The following MIDEAS variants were observed in gnomAD, a reference collection of about 807,000 sequenced individuals.
The protein encoded by MIDEAS is mitotic deacetylase associated SANT domain protein.
Under a neutral mutation model 102.7 loss-of-function variants are expected in MIDEAS, and 26 were observed. That is an observed-to-expected ratio of 0.25 (90% CI 0.19 to 0.35). The LOEUF (loss-of-function observed/expected upper bound fraction) is 0.35, where lower values mean the gene tolerates loss of function less well. Among genes scored for constraint, MIDEAS ranks in the 10% least tolerant of loss-of-function variants. The pLI is 1.00. For missense variants in MIDEAS, 1,231 were observed against 1,435.6 expected (o/e 0.86, Z 2.30); for synonymous variants, 585 against 591.0 (o/e 0.99, Z 0.15).
At chr14:73,751,336 T>C (rs1472168648) in intron 1 of MIDEAS, among the ~76,000 whole-genome samples, 1 of 152,236 alleles carries the variant, frequency 6.6e-6, no homozygotes, top group Non-Finnish European at 1.5e-5. Flanking sequence ...CTGCCTGGGA[T>C]AGACAGCAGC....
In MIDEAS at chr14:73,739,653, C is replaced by T. The variant is rs752678140; in HGVS notation, c.356G>A (p.Ser119Asn). 2.5e-6 allele frequency: 4 copies of T among 1,613,842 alleles called. No individual in the cohort carries two copies. The highest frequency in any genetic ancestry group is 3.4e-6 in the Non-Finnish European group (4 of 1,179,906). Residue 119 changes from serine to asparagine, a missense_variant, in exon 2 of 13, where the codon AGC becomes AAC. Transcript: ENST00000423556. ...CTGGCCTGGCTGCTGCTGCCAGCTG[C>T]TGTCACTGACACCCCCACCTCCTCC... Reference protein sequence around the residue: ...ERGGGGGVSDSSWQQQPGQPP... With the variant: ...ERGGGGGVSDNSWQQQPGQPP...
At position 73,768,029 on chromosome 14, in the gene MIDEAS, G is replaced by A. The variant is rs150395718; in HGVS notation, c.-248+19073C>T. Among the ~76,000 whole-genome samples the A allele has an allele frequency of 1.1e-4, 17 of 151,726 alleles. No homozygotes were observed. In the East Asian group the frequency reaches 3.3e-3, roughly 30 times the overall value. On this transcript the variant is annotated intron_variant, in intron 1 of 11. Coordinates refer to the MIDEAS transcript ENST00000394071. Reference sequence around the variant, plus strand: ...ACAAAAATTAGCCGGGCATGGTGGTGTGTGCCTGTAGTCCCAGCTACTTGG... The same window carrying A: ...ACAAAAATTAGCCGGGCATGGTGGTATGTGCCTGTAGTCCCAGCTACTTGG...
chr14:73,731,799 A>G (rs544772732), intron 3 of MIDEAS, among the ~76,000 whole-genome samples: 2 of 152,342 alleles, frequency 1.3e-5, no homozygotes, highest in South Asian at 4.1e-4. Context: ...CTATGTTTTG[A>G]TAACTGTGAA....
At chr14:73,751,130 C>T (rs941684174) in intron 1 of MIDEAS, among the ~76,000 whole-genome samples, 7 of 152,192 alleles carry the variant, frequency 4.6e-5, no homozygotes, top group East Asian at 1.9e-4. Flanking sequence ...AGATTACAGG[C>T]GTGAGCCACC....
At position 73,715,801 on chromosome 14, in the gene MIDEAS, T is replaced by C. The variant is rs1257515636; in HGVS notation, c.*3042A>G. 1 of 152,606 alleles carries C rather than the reference T, an allele frequency of 6.6e-6. No homozygotes were observed. The highest frequency in any genetic ancestry group is 1.9e-4 in the East Asian group (1 of 5,204). The allele number at this position is 152,606 out of a possible 1,614,324, so 9.5% of individuals were successfully genotyped here. A position where few individuals can be genotyped will look rare whatever the true frequency, so the allele number is the denominator to read the frequency against. The stretch of plus-strand genomic sequence containing the variant: ...GTTAGGTCACTGAGGCAGTTAAATA[T>C]AGGTGATCCCTTTAGACATAAGCAG... On this transcript the variant is annotated 3_prime_UTR_variant, in exon 13 of 13. Coordinates refer to ENST00000423556, the MANE Select transcript of MIDEAS (RefSeq NM_001367710.1).
At chr14:73,719,228 TCCCCTC>T in intron 12 of MIDEAS, 71 bp downstream of exon 12, 1 of 645,570 alleles carries the variant, frequency 1.5e-6, no homozygotes, top group Non-Finnish European at 2.0e-6. Flanking sequence ...CTCTTCCCCC[TCCCCTC>T]CACCCCACCC....
chr14:73,736,804 C>A (rs936216968), intron 3 of MIDEAS, among the ~76,000 whole-genome samples, 194 bp downstream of exon 3: 14 of 152,064 alleles, frequency 9.2e-5, no homozygotes, highest in Non-Finnish European at 1.5e-5. Flanking sequence ...CTGTCTCATC[C>A]CCCATTAGGA....
At chr14:73,782,943 T>C (rs1023236352) in intron 1 of MIDEAS, among the ~76,000 whole-genome samples, 4 of 152,256 alleles carry the variant, frequency 2.6e-5, no homozygotes, top group African/African-American at 9.6e-5. Flanking sequence ...ACCACGGCCT[T>C]TGGTGCTTGG....
Position 73,717,896 on chromosome 14 carries a change from G to A in MIDEAS, c.*947C>T, listed in dbSNP as rs2052916650. 6.7e-6 allele frequency: 1 copy of A among 150,120 alleles called. No individual in the cohort carries two copies. Among genetic ancestry groups the A allele is most frequent in the African/African-American group, 2.5e-5 (1 of 40,512 alleles). 9.3% of individuals were successfully genotyped at this position (150,120 alleles called of 1,614,324 possible). On this transcript the variant is annotated 3_prime_UTR_variant, in exon 13 of 13. Coordinates refer to ENST00000423556, the MANE Select transcript of MIDEAS (RefSeq NM_001367710.1). Reference sequence around the variant, plus strand: ...ACTGGGTAGGGTGCGGTGGGGTTAGGTGTAGCTGCTGAGGTCAGAGCAGAG... The same window carrying A: ...ACTGGGTAGGGTGCGGTGGGGTTAGATGTAGCTGCTGAGGTCAGAGCAGAG...
chr14:73,754,717 G>A (rs2053459703), intron 1 of MIDEAS, among the ~76,000 whole-genome samples: 1 of 152,162 alleles, frequency 6.6e-6, no homozygotes, highest in South Asian at 2.1e-4. Context: ...CAGGAGGGGA[G>A]GAGGATCTGT....
chr14:73,777,005 G>T lies in MIDEAS; in HGVS notation c.-248+10097C>A, dbSNP rs1374820224. Among the ~76,000 whole-genome samples the T allele has an allele frequency of 2.6e-5, 4 of 151,960 alleles. No individual in the cohort carries two copies. In the South Asian group the frequency reaches 8.3e-4, roughly 32 times the overall value. On this transcript the variant is annotated intron_variant, in intron 1 of 11. Coordinates refer to the MIDEAS transcript ENST00000394071. ...GAATAGTTTGAACCCGGGAGGCGGA[G>T]GTTGCAGTGAGCCGAGATCACGCCA...
intron 1 of MIDEAS, among the ~76,000 whole-genome samples, chr14:73,773,901 A>G (rs1463823316): frequency 1.3e-5 from 2 of 151,568 alleles, no homozygotes; most frequent in Non-Finnish European, 2.9e-5. Flanking sequence ...GGGCGCCTGT[A>G]GTCCCAGCTA....
chr14:73,760,845 G>C (rs931430568), upstream of MIDEAS, among the ~76,000 whole-genome samples: 4 of 152,214 alleles, frequency 2.6e-5, no homozygotes, highest in East Asian at 1.9e-4. The surrounding 1 kb of genome is among the most constrained non-coding windows in gnomAD (Gnocchi z 4.8). Context: ...ACTCAGGCCA[G>C]AGTTGAGCGG....
chr14:73,732,459 G>C (rs1393416558), intron 3 of MIDEAS, among the ~76,000 whole-genome samples: 1 of 152,180 alleles, frequency 6.6e-6, no homozygotes, highest in African/African-American at 2.4e-5. Flanking sequence ...ACTGAGAAGA[G>C]CTTTTAAGAA....
At chr14:73,783,366 G>A (rs1566613435) in intron 1 of MIDEAS, among the ~76,000 whole-genome samples, 1 of 152,140 alleles carries the variant, frequency 6.6e-6, no homozygotes, top group Admixed American at 6.5e-5. Context: ...CCAGTCCTCT[G>A]GGGAAGCATG....
intron 1 of MIDEAS, among the ~76,000 whole-genome samples, chr14:73,754,378 G>T (rs1178163424): frequency 1.3e-5 from 2 of 152,192 alleles, no homozygotes; most frequent in Non-Finnish European, 2.9e-5. Flanking sequence ...TCACGCACAT[G>T]CAAACAAATA....
chr14:73,771,319 A>G (rs1035206405), intron 1 of MIDEAS, among the ~76,000 whole-genome samples: 1 of 152,156 alleles, frequency 6.6e-6, no homozygotes, highest in African/African-American at 2.4e-5. Flanking sequence ...CTCCACACGC[A>G]TTCTGTCGGG....
chr14:73,736,971 G>GTAAA (rs1351645646), intron 3 of MIDEAS, 27 bp downstream of exon 3: 1 of 1,600,550 alleles, frequency 6.2e-7, no homozygotes. Context: ...ACGCGCTGGA[G>GTAAA]GTGTTTAGAA....
intron 1 of MIDEAS, among the ~76,000 whole-genome samples, chr14:73,784,025 A>AT (rs1382119526): frequency 1.3e-5 from 2 of 151,998 alleles, no homozygotes; most frequent in African/African-American, 4.8e-5. Context: ...TCTCCAGGAG[A>AT]CTCCTGCATT....
Sources: gnomAD v4.1 joint callset for allele counts (sites outside exome capture counted in the v4.1 genomes callset) on GRCh38, gnomAD v4.1.1 for gene constraint, Gnocchi (gnomAD v3.1) non-coding constraint, MANE v1.5 for transcripts, NCBI Gene and HGNC (gene_info 2026-07-23, HGNC 2026-07-21) for gene names.